The following TAFA4 variants were observed in gnomAD, a reference collection of about 807,000 sequenced individuals.
TAFA4 encodes chemokine-like protein TAFA-4.
In TAFA4, 20 loss-of-function variants were observed where a neutral mutation model predicts 21.1. That is an observed-to-expected ratio of 0.95 (90% CI 0.67 to 1.38). The LOEUF is 1.38. TAFA4 is among the 40% of genes most tolerant of loss of function. The probability of loss-of-function intolerance (pLI) is 0.00; values close to 1 mark genes in which losing one functional copy is unlikely to be tolerated. For missense variants in TAFA4, 211 were observed against 180.9 expected (o/e 1.17, Z -0.95); for synonymous variants, 71 against 67.4 (o/e 1.05, Z -0.26).
intron 3 of TAFA4, among the ~76,000 whole-genome samples, chr3:68,854,539 A>C (rs901935756): frequency 6.6e-6 from 1 of 152,158 alleles, no homozygotes; most frequent in Non-Finnish European, 1.5e-5. Context: ...CTGGGCAAGC[A>C]CCAAGTCTTA....
rs1171988631 is a variant in TAFA4 at position 68,821,489 on chromosome 3, A to C, written c.130+59241T>G. On this transcript the variant is annotated intron_variant, in intron 3 of 5. Coordinates refer to ENST00000295569, the MANE Select transcript of TAFA4 (RefSeq NM_182522.5). The stretch of plus-strand genomic sequence containing the variant: ...CAGCCTCCCGAGTAGCTGGGACTAC[A>C]GGCGCCCGCCACCTCGCCCGGCTAA... Among the ~76,000 whole-genome samples the C allele has an allele frequency of 3.0e-5, 2 of 65,604 alleles. 1 individual carries two copies. Among genetic ancestry groups the C allele is most frequent in the Non-Finnish European group, 5.6e-5 (2 of 35,406 alleles). The allele number at this position is 65,604 out of a possible 152,430, so 43.0% of individuals were successfully genotyped here.
intron 3 of TAFA4, among the ~76,000 whole-genome samples, chr3:68,793,781 T>C (rs1703407275): frequency 6.6e-6 from 1 of 152,204 alleles, no homozygotes; most frequent in Non-Finnish European, 1.5e-5. Context: ...ATGAATCAAA[T>C]GTAGGTGCAG....
At chr3:68,928,733 G>A (rs564131830) in intron 1 of TAFA4, among the ~76,000 whole-genome samples, 30 of 152,146 alleles carry the variant, frequency 2.0e-4, no homozygotes, top group Non-Finnish European at 2.8e-4. Flanking sequence ...GCCCTCCTCC[G>A]CAGAGACAGC....
At chr3:68,860,131 T>C (rs1405111121) in intron 3 of TAFA4, among the ~76,000 whole-genome samples, 1 of 152,146 alleles carries the variant, frequency 6.6e-6, no homozygotes, top group Non-Finnish European at 1.5e-5. Context: ...GTTTATCGAC[T>C]TCCTTTCCCC....
intron 3 of TAFA4, among the ~76,000 whole-genome samples, chr3:68,801,260 T>C (rs1322792638): frequency 1.3e-5 from 2 of 152,180 alleles, no homozygotes; most frequent in African/African-American, 4.8e-5. Flanking sequence ...GGCCAAAATA[T>C]CGGAAGGGAT....
chr3:68,928,715 C>G (rs1456340808), intron 1 of TAFA4, among the ~76,000 whole-genome samples: 1 of 152,130 alleles, frequency 6.6e-6, no homozygotes, highest in African/African-American at 2.4e-5. Context: ...GTGCAAGAAG[C>G]CAATGTGGCC....
At chr3:68,799,923 G>A (rs1268805282) in intron 3 of TAFA4, among the ~76,000 whole-genome samples, 1 of 152,020 alleles carries the variant, frequency 6.6e-6, no homozygotes, top group African/African-American at 2.4e-5. Flanking sequence ...CAGATGAGCA[G>A]CAGCATTAGA....
At position 68,733,154 on chromosome 3, in the gene TAFA4, C is replaced by T. The variant is rs759007554; in HGVS notation, c.412-1G>A. On this transcript the variant is annotated splice_acceptor_variant, in intron 5 of 5. Transcript: ENST00000295569. LOFTEE classifies it high-confidence loss of function. ...ACCTCTCTCTTCGCTACCGCGTTAC[C>T]TAAAACAAATCAAAATAAGGGAACA... The T allele has an allele frequency of 1.2e-6, 2 of 1,613,006 alleles. No individual in the cohort carries two copies. Among genetic ancestry groups the T allele is most frequent in the Middle Eastern group, 1.7e-4 (1 of 6,050 alleles).
At chr3:68,812,515 G>A (rs1319207065) in intron 3 of TAFA4, among the ~76,000 whole-genome samples, 3 of 151,928 alleles carry the variant, frequency 2.0e-5, no homozygotes, top group African/African-American at 7.3e-5. Context: ...AGAAGGCAGG[G>A]GTTGCAATCC....
chr3:68,745,893 G>A (rs970466214), intron 4 of TAFA4, among the ~76,000 whole-genome samples: 1 of 152,142 alleles, frequency 6.6e-6, no homozygotes, highest in African/African-American at 2.4e-5. Flanking sequence ...TGGATTAAAG[G>A]ATGCAAAGTA....
intron 1 of TAFA4, among the ~76,000 whole-genome samples, chr3:68,886,127 G>T (rs1335486712): frequency 6.6e-6 from 1 of 152,148 alleles, no homozygotes; most frequent in Non-Finnish European, 1.5e-5. Flanking sequence ...TTTTTGAAAT[G>T]AAGTCTAATT....
intron 4 of TAFA4, among the ~76,000 whole-genome samples, chr3:68,743,838 C>G (rs569027949): frequency 1.3e-5 from 2 of 152,108 alleles, no homozygotes; most frequent in Non-Finnish European, 2.9e-5. Flanking sequence ...ATCCAGTAGT[C>G]TTTCTACTGT....
intron 3 of TAFA4, among the ~76,000 whole-genome samples, chr3:68,868,850 T>C (rs2089449531): frequency 6.6e-6 from 1 of 151,046 alleles, no homozygotes. Context: ...ACCAACCAAA[T>C]CCAAAATTAG....
intron 3 of TAFA4, among the ~76,000 whole-genome samples, chr3:68,806,461 T>C (rs1424232213): frequency 6.6e-6 from 1 of 152,228 alleles, no homozygotes; most frequent in Non-Finnish European, 1.5e-5. Flanking sequence ...TTATATACTC[T>C]ATTAAGCCTT....
chr3:68,762,118 T>A (rs1702766949), intron 3 of TAFA4, among the ~76,000 whole-genome samples: 1 of 149,676 alleles, frequency 6.7e-6, no homozygotes, highest in Non-Finnish European at 1.5e-5. Flanking sequence ...CTAGATAAAA[T>A]CCCAGAGGGA....
intron 3 of TAFA4, among the ~76,000 whole-genome samples, chr3:68,785,582 A>G (rs1703239855): frequency 1.3e-5 from 2 of 152,162 alleles, no homozygotes; most frequent in Non-Finnish European, 2.9e-5. Flanking sequence ...CCAAGCCCAC[A>G]CCCACCTGGA....
chr3:68,894,907 T>C (rs2089772054), intron 1 of TAFA4, among the ~76,000 whole-genome samples: 1 of 152,180 alleles, frequency 6.6e-6, no homozygotes, highest in South Asian at 2.1e-4. Flanking sequence ...CAGCCTGGAG[T>C]GCAATGGCGT....
At chr3:68,829,714 G>A (rs2106876236) in intron 3 of TAFA4, among the ~76,000 whole-genome samples, 1 of 152,312 alleles carries the variant, frequency 6.6e-6, no homozygotes, top group East Asian at 1.9e-4. Context: ...AAATTAGTTA[G>A]GGAGGATTCC....
chr3:68,926,061 G>A (rs144764101), intron 1 of TAFA4, among the ~76,000 whole-genome samples: 104 of 152,098 alleles, frequency 6.8e-4, no homozygotes, highest in African/African-American at 2.3e-3. Flanking sequence ...GTGAAACCCC[G>A]TCTCTACTAA....
Sources: allele counts gnomAD v4.1 joint callset (sites outside exome capture counted in the v4.1 genomes callset), GRCh38; gene constraint gnomAD v4.1.1; transcripts MANE v1.5; gene names NCBI Gene and HGNC (gene_info 2026-07-23, HGNC 2026-07-21).